DYM: variants seen among roughly 807,000 people sequenced by gnomAD.
DYM encodes dymeclin.
Under a neutral mutation model 93.1 loss-of-function variants are expected in DYM, and 78 were observed. The observed-to-expected ratio is 0.84, with a 90% confidence interval of 0.70 to 1.01. The LOEUF is 1.01. Ranked by LOEUF, DYM falls within the 50% of genes least tolerant of loss-of-function variation. The probability of loss-of-function intolerance (pLI) is 0.00; values close to 1 mark genes in which losing one functional copy is unlikely to be tolerated. For missense variants in DYM, 789 were observed against 845.0 expected (o/e 0.93, Z 0.82); for synonymous variants, 321 against 319.7 (o/e 1.00, Z -0.04).
chr18:49,308,296 A>G (rs1282595129), intron 8 of DYM, among the ~76,000 whole-genome samples: 2 of 151,852 alleles, frequency 1.3e-5, no homozygotes, highest in Non-Finnish European at 2.9e-5. Context: ...GTGTGTATAT[A>G]TATATATATA....
At chr18:49,193,595 G>C (rs1293843300) in intron 14 of DYM, among the ~76,000 whole-genome samples, 1 of 152,148 alleles carries the variant, frequency 6.6e-6, no homozygotes, top group Non-Finnish European at 1.5e-5. Flanking sequence ...TAAAATCTCA[G>C]AACAAAATGT....
chr18:49,410,931 A>T (rs1229220824), intron 2 of DYM, among the ~76,000 whole-genome samples: 1 of 152,228 alleles, frequency 6.6e-6, no homozygotes, highest in African/African-American at 2.4e-5. Context: ...TTAGCATATT[A>T]TTGTCCATAT....
chr18:49,273,971 T>C (rs989674007), intron 10 of DYM, among the ~76,000 whole-genome samples: 2 of 152,102 alleles, frequency 1.3e-5, no homozygotes, highest in Admixed American at 6.6e-5. Flanking sequence ...AATGAGACTA[T>C]GTCAGAATAG....
chr18:49,418,488 T>C (rs1271548908), intron 2 of DYM, among the ~76,000 whole-genome samples: 1 of 152,204 alleles, frequency 6.6e-6, no homozygotes, highest in African/African-American at 2.4e-5. Flanking sequence ...AGAAAGATTT[T>C]AGAACCACAC....
intron 15 of DYM, among the ~76,000 whole-genome samples, chr18:49,150,162 GCA>G (rs1432042204): frequency 6.6e-6 from 1 of 152,186 alleles, no homozygotes; most frequent in Non-Finnish European, 1.5e-5. Flanking sequence ...GAGGTTTAAA[GCA>G]CTACTACTAA....
At chr18:49,412,437 T>C (rs534448921) in intron 2 of DYM, among the ~76,000 whole-genome samples, 3 of 152,198 alleles carry the variant, frequency 2.0e-5, no homozygotes, top group African/African-American at 4.8e-5. Flanking sequence ...TAGAAAGGTA[T>C]AAATGAAAGA....
intron 17 of DYM, among the ~76,000 whole-genome samples, chr18:49,092,952 A>G (rs1384083572): frequency 6.6e-5 from 10 of 152,176 alleles, no homozygotes; most frequent in Non-Finnish European, 1.5e-4. Flanking sequence ...TTCTGCACTA[A>G]TGCTGTGCAG....
rs1428376874 is a variant in DYM, at chr18:49,036,440, A to G, written c.*7615T>C. On this transcript the variant is annotated 3_prime_UTR_variant, in exon 18 of 18. Transcript: ENST00000675505. ...GCATACTTAATATATAAAACTGCAC[A>G]TATGTAATAAAGTGTACAATTTGAT... is the stretch of plus-strand genomic sequence containing the variant. Among the ~76,000 whole-genome samples the G allele has an allele frequency of 6.6e-6, 1 of 152,202 alleles. No individual in the cohort carries two copies. Among genetic ancestry groups the G allele is most frequent in the African/African-American group, 2.4e-5 (1 of 41,434 alleles).
At chr18:49,211,119 A>C (rs964969438) in intron 13 of DYM, among the ~76,000 whole-genome samples, 1 of 152,212 alleles carries the variant, frequency 6.6e-6, no homozygotes, top group African/African-American at 2.4e-5. Flanking sequence ...TTTTTAAAGA[A>C]AGACAAAACT....
Position 49,210,341 on chromosome 18 carries a change from C to T in DYM, c.1461-626G>A, listed in dbSNP as rs369551725. On this transcript the variant is annotated intron_variant, in intron 13 of 17. Coordinates refer to ENST00000675505, the MANE Select transcript of DYM (RefSeq NM_001353214.3). ...TTTAGTAGATGAATAAATAAATAAA[C>T]GGTGGTACATCTAGACGATGGATTA... Among the ~76,000 whole-genome samples, 22 of 152,136 alleles carry T rather than the reference C, an allele frequency of 1.4e-4. No homozygotes were observed. In the South Asian group the frequency reaches 4.1e-3, roughly 29 times the overall value.
chr18:49,185,140 T>A (rs1435822765), intron 14 of DYM, among the ~76,000 whole-genome samples: 1 of 152,158 alleles, frequency 6.6e-6, no homozygotes, highest in Non-Finnish European at 1.5e-5. Flanking sequence ...TTACAAGTAA[T>A]CTCATGAATT....
At chr18:49,044,492 G>A (rs997001105) in intron 17 of DYM, among the ~76,000 whole-genome samples, 5 of 152,280 alleles carry the variant, frequency 3.3e-5, no homozygotes, top group Non-Finnish European at 1.5e-5. Flanking sequence ...AAGGTATGAT[G>A]AGAAATATCC....
At chr18:49,079,050 G>A (rs781485185) in intron 17 of DYM, among the ~76,000 whole-genome samples, 4 of 152,236 alleles carry the variant, frequency 2.6e-5, no homozygotes, top group Non-Finnish European at 5.9e-5. Flanking sequence ...GCCTTGACAT[G>A]AGATTCTTTG....
intron 15 of DYM, among the ~76,000 whole-genome samples, chr18:49,160,093 T>C (rs2086915013): frequency 6.6e-6 from 1 of 152,220 alleles, no homozygotes; most frequent in Non-Finnish European, 1.5e-5. Context: ...AATTAAATTG[T>C]ATGTAATCCT....
In DYM at chr18:49,056,754, A is replaced by G. The variant is rs910833697; in HGVS notation, c.2026-12550T>C. The stretch of plus-strand genomic sequence containing the variant: ...AGTAGAGACGGGGTTTCACCATGTT[A>G]GCCAGGATGGTCTCGATCTCCTGAC... On this transcript the variant is annotated intron_variant, in intron 17 of 17. Transcript: ENST00000675505. Among the ~76,000 whole-genome samples, 88 of 149,112 alleles carry G rather than the reference A, an allele frequency of 5.9e-4. 1 individual carries two copies. The highest frequency in any genetic ancestry group is 3.0e-3 in the East Asian group (15 of 5,076).
intron 14 of DYM, among the ~76,000 whole-genome samples, chr18:49,207,230 T>C (rs1318627862): frequency 2.0e-5 from 3 of 152,180 alleles, no homozygotes; most frequent in Admixed American, 6.5e-5. Context: ...GCTGTATTAA[T>C]GAGGGTTAAC....
chr18:49,364,381 G>C (rs1468968064), intron 5 of DYM, among the ~76,000 whole-genome samples: 1 of 151,876 alleles, frequency 6.6e-6, no homozygotes, highest in African/African-American at 2.4e-5. Flanking sequence ...GGAGGAAGAG[G>C]TTGCAGTGAA....
chr18:49,378,004 G>C (rs2067674810), intron 5 of DYM, among the ~76,000 whole-genome samples: 1 of 152,178 alleles, frequency 6.6e-6, no homozygotes, highest in African/African-American at 2.4e-5. Context: ...CTTGCCCTCA[G>C]AAAGGAAAGA....
chr18:49,163,571 CCCGA>C, intron 15 of DYM, 110 bp downstream of exon 15: 1 of 701,896 alleles, frequency 1.4e-6, no homozygotes, highest in Admixed American at 2.1e-5. Context: ...GTCTTGAACT[CCCGA>C]CCAAGTGATC....
Sources: allele counts gnomAD v4.1 joint callset (sites outside exome capture counted in the v4.1 genomes callset), GRCh38; gene constraint gnomAD v4.1.1; transcripts MANE v1.5; gene names NCBI Gene and HGNC (gene_info 2026-07-23, HGNC 2026-07-21).